Variants in ZSCAN5A observed in about 807,000 individuals in gnomAD.
ZSCAN5A encodes the protein zinc finger and SCAN domain containing 5A.
A neutral mutation model predicts 23.7 loss-of-function variants in ZSCAN5A; 12 were observed. The observed-to-expected ratio is 0.51, with a 90% confidence interval of 0.32 to 0.82. ZSCAN5A has a LOEUF of 0.82. Among genes scored for constraint, ZSCAN5A ranks in the 40% least tolerant of loss-of-function variants. The pLI is 0.03. For missense variants in ZSCAN5A, 597 were observed against 617.9 expected (o/e 0.97, Z 0.36); for synonymous variants, 257 against 239.9 (o/e 1.07, Z -0.66).
intron 2 of ZSCAN5A, chr19:56,347,630 T>C (rs1346347388): frequency 2.0e-5 from 3 of 152,250 alleles, no homozygotes; most frequent in Non-Finnish European, 4.4e-5. Flanking sequence ...ATAAGACTCC[T>C]GTAGCCTTTA....
At position 56,314,838 on chromosome 19, in the gene ZSCAN5A, T is replaced by C. The variant is rs2041268182; in HGVS notation, c.-387A>G. The C allele has an allele frequency of 6.6e-6, 1 of 152,252 alleles. No individual in the cohort carries two copies. Among genetic ancestry groups the C allele is most frequent in the Non-Finnish European group, 1.5e-5 (1 of 68,068 alleles). The allele number at this position is 152,252 out of a possible 1,614,324, so 9.4% of individuals were successfully genotyped here. On this transcript the variant is annotated 5_prime_UTR_variant, in exon 1 of 6. An upstream start codon of the reference 5' UTR is lost. Transcript: ENST00000683990. Reference sequence around the variant, plus strand: ...GGATCGGGAACTTGTCGCATTCACATTGGCTGCTAGGAGGCCTCGGCGACC... The same window carrying C: ...GGATCGGGAACTTGTCGCATTCACACTGGCTGCTAGGAGGCCTCGGCGACC...
At position 56,285,696 on chromosome 19, in the gene ZSCAN5A, G is replaced by C. The variant is rs554782232; in HGVS notation, c.-128+27587C>G. On this transcript the variant is annotated intron_variant, in intron 2 of 5. Coordinates refer to ENST00000683990, the MANE Select transcript of ZSCAN5A (RefSeq NM_001322064.3). ...GAATTTCACTATGTCGGCCAGGCTG[G>C]TCTCGAACTCCTGACCTCGTGATCC... Among the ~76,000 whole-genome samples the C allele has an allele frequency of 2.3e-4, 35 of 152,238 alleles. No individual in the cohort carries two copies. The South Asian group carries it at 7.0e-3, about 31-fold the overall frequency.
chr19:56,343,523 G>A (rs1177449722), intron 2 of ZSCAN5A: 5 of 395,408 alleles, frequency 1.3e-5, no homozygotes, highest in Non-Finnish European at 2.0e-5. Flanking sequence ...GCTGCTCTAA[G>A]TGTATTTTCA....
In ZSCAN5A at chr19:56,325,940, T is replaced by TG. The variant is rs201228422; in HGVS notation, c.-357-9673_-357-9672insC. Among the ~76,000 whole-genome samples, 216 of 131,536 alleles carry TG rather than the reference T, an allele frequency of 1.6e-3. 2 individuals carry two copies. In the East Asian group the frequency reaches 0.053, roughly 32 times the overall value. The allele number at this position is 131,536 out of a possible 152,430, so 86.3% of individuals were successfully genotyped here. On this transcript the variant is annotated intron_variant, in intron 2 of 6. Transcript: ENST00000587340. ...GTCTTGATGTATGTATATATTGTGGTTTTTTTTTTTGAGATGGAGTCTTGC... is the reference window on the plus strand; with the variant it reads ...GTCTTGATGTATGTATATATTGTGGTGTTTTTTTTTTGAGATGGAGTCTTGC...
intron 2 of ZSCAN5A, among the ~76,000 whole-genome samples, chr19:56,341,682 C>T (rs2041593054): frequency 9.7e-6 from 1 of 102,918 alleles, no homozygotes; most frequent in African/African-American, 4.2e-5. Context: ...ATAAAATCTT[C>T]TAGGCAGGTT....
chr19:56,322,667 G>A (rs1353721520), intron 2 of ZSCAN5A, among the ~76,000 whole-genome samples: 1 of 152,096 alleles, frequency 6.6e-6, no homozygotes, highest in Non-Finnish European at 1.5e-5. Flanking sequence ...TCGCCTCTCA[G>A]TATGTCTGTA....
At chr19:56,284,317 GT>G in intron 2 of ZSCAN5A, 1 of 271,258 alleles carries the variant, frequency 3.7e-6, no homozygotes, top group Non-Finnish European at 5.6e-6. Context: ...TCATTGGTGG[GT>G]TTTAGATGAT....
intron 2 of ZSCAN5A, among the ~76,000 whole-genome samples, chr19:56,230,615 A>ATG (rs58270311): frequency 0.063 from 9,238 of 147,202 alleles, 324 homozygotes; most frequent in South Asian, 0.094. Flanking sequence ...TTATTTCTTG[A>ATG]TGTGTGTGTG....
chr19:56,308,373 G>T (rs1317177988), intron 2 of ZSCAN5A, among the ~76,000 whole-genome samples: 1 of 148,116 alleles, frequency 6.8e-6, no homozygotes, highest in Non-Finnish European at 1.5e-5. Context: ...ACCCAGGCTG[G>T]AGAACAGTGG....
chr19:56,305,867 G>A (rs1490658836), intron 2 of ZSCAN5A, among the ~76,000 whole-genome samples: 2 of 152,028 alleles, frequency 1.3e-5, no homozygotes, highest in East Asian at 3.9e-4. Flanking sequence ...CAGATACACA[G>A]AAAACAAGTG....
intron 2 of ZSCAN5A, among the ~76,000 whole-genome samples, chr19:56,362,050 C>T (rs906689094): frequency 6.6e-5 from 10 of 150,564 alleles, no homozygotes; most frequent in South Asian, 2.1e-4. Context: ...CCCAGCTACT[C>T]GGGAGGCTGA....
chr19:56,231,199 C>G (rs1057418532), intron 2 of ZSCAN5A, among the ~76,000 whole-genome samples: 4 of 152,016 alleles, frequency 2.6e-5, no homozygotes, highest in African/African-American at 9.7e-5. Flanking sequence ...GGTAACAGAG[C>G]CAGACCCTTT....
intron 2 of ZSCAN5A, among the ~76,000 whole-genome samples, chr19:56,331,265 G>A (rs1193935678): frequency 6.6e-6 from 1 of 152,072 alleles, no homozygotes; most frequent in Non-Finnish European, 1.5e-5. Context: ...GTTTAGAATT[G>A]CTTTGACAAT....
intron 2 of ZSCAN5A, among the ~76,000 whole-genome samples, chr19:56,291,610 A>G (rs561837948): frequency 6.6e-6 from 1 of 151,966 alleles, no homozygotes; most frequent in Non-Finnish European, 1.5e-5. Flanking sequence ...TGCTCCTGGC[A>G]TCTCATCTCA....
At chr19:56,308,754 A>T (rs1028249473) in intron 2 of ZSCAN5A, among the ~76,000 whole-genome samples, 2 of 152,184 alleles carry the variant, frequency 1.3e-5, no homozygotes, top group Non-Finnish European at 2.9e-5. Context: ...GATTCACCTA[A>T]GCAATGCTTT....
At chr19:56,363,585 T>C (rs1330708578) in intron 1 of ZSCAN5A, among the ~76,000 whole-genome samples, 2 of 152,318 alleles carry the variant, frequency 1.3e-5, no homozygotes, top group African/African-American at 4.8e-5. Context: ...AATAGTAATA[T>C]GGACAGTGAC....
At chr19:56,244,249 C>T (rs2035675660) in intron 2 of ZSCAN5A, 1 of 1,602,240 alleles carries the variant, frequency 6.2e-7, no homozygotes, top group Non-Finnish European at 8.5e-7. Flanking sequence ...CTGAGCTGTG[C>T]CATCTGTGGC....
intron 2 of ZSCAN5A, among the ~76,000 whole-genome samples, chr19:56,336,609 T>G (rs1437724603): frequency 6.6e-6 from 1 of 152,230 alleles, no homozygotes; most frequent in Non-Finnish European, 1.5e-5. Context: ...CCATCCAGCT[T>G]TGTTCCGTTG....
intron 2 of ZSCAN5A, among the ~76,000 whole-genome samples, chr19:56,227,855 A>G (rs186127156): frequency 9.2e-5 from 14 of 152,188 alleles, no homozygotes; most frequent in African/African-American, 3.1e-4. Flanking sequence ...GGAGTTCAGG[A>G]CCAGCCTGAG....
Sources: gnomAD v4.1 joint callset for allele counts (sites outside exome capture counted in the v4.1 genomes callset) on GRCh38, gnomAD v4.1.1 for gene constraint, MANE v1.5 for transcripts, NCBI Gene and HGNC (gene_info 2026-07-23, HGNC 2026-07-21) for gene names.